MYO5C: variants seen among roughly 807,000 people sequenced by gnomAD.
MYO5C encodes the protein unconventional myosin-Vc.
In MYO5C, 194 loss-of-function variants were observed where a neutral mutation model predicts 235.7. That is an observed-to-expected ratio of 0.82 (90% CI 0.73 to 0.93). MYO5C has a LOEUF of 0.93. MYO5C is among the 40% of genes least tolerant of loss of function. The pLI is 0.00. For synonymous variants in MYO5C, 707 were observed against 754.8 expected (o/e 0.94, Z 1.04); for missense variants, 2,038 against 2,127.2 (o/e 0.96, Z 0.82).
chr15:52,232,799 A>G, intron 23 of MYO5C, 114 bp from the exon 24 acceptor site: 1 of 886,742 alleles, frequency 1.1e-6, no homozygotes. Flanking sequence ...TTTATTATTA[A>G]CAGGACTTAC....
At chr15:52,236,402 G>A (rs1270525014) in intron 22 of MYO5C, among the ~76,000 whole-genome samples, 2 of 152,190 alleles carry the variant, frequency 1.3e-5, no homozygotes, top group African/African-American at 4.8e-5. Context: ...GGCTGGGCAC[G>A]GTGGCTCACA....
intron 8 of MYO5C, among the ~76,000 whole-genome samples, chr15:52,268,050 C>G (rs796795535): frequency 6.6e-6 from 1 of 152,208 alleles, no homozygotes; most frequent in East Asian, 1.9e-4. Context: ...CCTTTCTCCT[C>G]GAAGCAGGTT....
intron 37 of MYO5C, chr15:52,205,410 C>A (rs2035288657): frequency 2.0e-6 from 1 of 490,216 alleles, no homozygotes; most frequent in African/African-American, 1.9e-5. Context: ...GGAAAGAAAG[C>A]TGCTTAGCAT....
At chr15:52,257,200 G>A (rs2036602232) in intron 10 of MYO5C, among the ~76,000 whole-genome samples, 1 of 152,370 alleles carries the variant, frequency 6.6e-6, no homozygotes, top group Non-Finnish European at 1.5e-5. Context: ...CAGCACAACT[G>A]CAGCACAATT....
At chr15:52,292,663 G>A (rs996363251) in intron 1 of MYO5C, among the ~76,000 whole-genome samples, 25 of 152,234 alleles carry the variant, frequency 1.6e-4, no homozygotes, top group African/African-American at 5.8e-4. Context: ...CATTTATGAA[G>A]CTCCCACTGT....
chr15:52,279,238 A>G (rs2037114687), intron 3 of MYO5C, among the ~76,000 whole-genome samples: 1 of 152,104 alleles, frequency 6.6e-6, no homozygotes, highest in Non-Finnish European at 1.5e-5. Context: ...GCAAATGGAG[A>G]GGTTTTTGCA....
intron 20 of MYO5C, among the ~76,000 whole-genome samples, chr15:52,240,829 A>G (rs2036203569): frequency 6.6e-6 from 1 of 152,204 alleles, no homozygotes; most frequent in Non-Finnish European, 1.5e-5. Flanking sequence ...TCAGCTTTAA[A>G]GTATCTTTGG....
intron 4 of MYO5C, among the ~76,000 whole-genome samples, chr15:52,278,329 T>C (rs894468830): frequency 1.3e-5 from 2 of 152,202 alleles, no homozygotes; most frequent in Non-Finnish European, 2.9e-5. Context: ...TCGTGGGCTA[T>C]TCTGAGGCCA....
At chr15:52,215,745 G>A (rs897781865) in intron 32 of MYO5C, among the ~76,000 whole-genome samples, 3 of 151,978 alleles carry the variant, frequency 2.0e-5, no homozygotes, top group Non-Finnish European at 4.4e-5. Context: ...TCCCAATATG[G>A]TAAATGTACA....
chr15:52,286,468 T>C lies in MYO5C; in HGVS notation c.28-3576A>G, dbSNP rs914510317. Among the ~76,000 whole-genome samples, 63 of 152,188 alleles carry C rather than the reference T, an allele frequency of 4.1e-4. No individual in the cohort carries two copies. In the East Asian group the frequency reaches 0.011, roughly 28 times the overall value. On this transcript the variant is annotated intron_variant, in intron 1 of 40. Coordinates refer to ENST00000261839, the MANE Select transcript of MYO5C (RefSeq NM_018728.4). ...CCAACAGCTCATTGAGAACGGGCCA[T>C]GATGACAATGGCAGTTTTGTGGAAT... is the stretch of plus-strand genomic sequence containing the variant.
intron 8 of MYO5C, among the ~76,000 whole-genome samples, chr15:52,264,617 G>C (rs2036764933): frequency 6.6e-6 from 1 of 152,198 alleles, no homozygotes; most frequent in East Asian, 1.9e-4. Context: ...GATTTTGAAT[G>C]TTTTTCATTT....
At chr15:52,234,943 G>C (rs2036044231) in intron 23 of MYO5C, among the ~76,000 whole-genome samples, 1 of 152,076 alleles carries the variant, frequency 6.6e-6, no homozygotes, top group African/African-American at 2.4e-5. Context: ...AGATCCCTAG[G>C]CAAGATCACT....
chr15:52,242,017 C>T (rs371677431), intron 20 of MYO5C, 31 bp downstream of exon 20: 2 of 1,584,690 alleles, frequency 1.3e-6, no homozygotes, highest in African/African-American at 2.7e-5. Flanking sequence ...CCCGTACACC[C>T]TCCCTTCCTC....
intron 8 of MYO5C, among the ~76,000 whole-genome samples, chr15:52,266,153 A>G (rs1030708177): frequency 6.6e-6 from 1 of 152,144 alleles, no homozygotes; most frequent in Admixed American, 6.5e-5. Context: ...CAAAAGGGAG[A>G]TAACAACTCC....
chr15:52,290,782 A>T (rs1294916856), intron 1 of MYO5C, among the ~76,000 whole-genome samples: 2 of 152,254 alleles, frequency 1.3e-5, no homozygotes, highest in African/African-American at 4.8e-5. Flanking sequence ...ATCAAGATTC[A>T]AAAGGTTTTT....
rs144773887 is a variant in MYO5C at position 52,221,307 on chromosome 15, CT to C, written c.3628-53del. ...AATATAAAATACTTTTATCTATGAA[CT>C]TTAAAATCTTAGAAGCAAACTGAAC... On this transcript the variant is annotated intron_variant, in intron 29 of 40. Transcript: ENST00000261839. 4.2e-4 allele frequency: 554 copies of C among 1,314,204 alleles called. 2 individuals are homozygous for C. The African/African-American group carries it at 5.1e-3, about 12-fold the overall frequency. 81.4% of individuals were successfully genotyped at this position (1,314,204 alleles called of 1,614,324 possible).
chr15:52,247,586 G>A lies in MYO5C; in HGVS notation c.1753C>T (p.Leu585Phe), dbSNP rs748946989. The A allele has an allele frequency of 5.0e-6, 8 of 1,614,156 alleles. No individual in the cohort carries two copies. Among genetic ancestry groups the A allele is most frequent in the Non-Finnish European group, 6.8e-6 (8 of 1,180,004 alleles). The change falls in exon 15 of 41, where the codon CTC becomes TTC. Residue 585 changes from leucine (L) to phenylalanine (F), a missense_variant. Leu to Phe is a conservative substitution (Grantham distance 22). Transcript: ENST00000261839. The part of the protein sequence containing the change: ...VEILRASKFH[L>F]CANFFQENPT... ...TTTTCTTGAAAAAAGTTGGCACAGA[G>A]ATGAAACTGGAAGGAACAGAGAGGA...
At chr15:52,238,907 C>T (rs568791860) in intron 21 of MYO5C, among the ~76,000 whole-genome samples, 3 of 152,054 alleles carry the variant, frequency 2.0e-5, no homozygotes, top group African/African-American at 4.8e-5. Flanking sequence ...TCCCAAAGTG[C>T]TGGGATTACA....
Position 52,244,226 on chromosome 15 carries a change from G to T in MYO5C, c.2390+130C>A, listed in dbSNP as rs1490372010. ...TTGCCCTAATGCTCACGACCACAAA[G>T]GGGACCCATGCACGTCTGCACCCTG... On this transcript the variant is annotated intron_variant, in intron 19 of 40. Transcript: ENST00000261839. 4 of 801,062 alleles carry T rather than the reference G, an allele frequency of 5.0e-6. No homozygotes were observed. The East Asian group carries it at 1.0e-4, about 21-fold the overall frequency. 49.6% of individuals were successfully genotyped at this position (801,062 alleles called of 1,614,324 possible). A position where few individuals can be genotyped will look rare whatever the true frequency, so the allele number is the denominator to read the frequency against.
Sources: allele counts gnomAD v4.1 joint callset (sites outside exome capture counted in the v4.1 genomes callset), GRCh38; gene constraint gnomAD v4.1.1; transcripts MANE v1.5; gene names NCBI Gene and HGNC (gene_info 2026-07-23, HGNC 2026-07-21).